The following MGRN1 variants were observed in gnomAD, a reference collection of about 807,000 sequenced individuals.
MGRN1 encodes the protein mahogunin ring finger 1, also known as E3 ubiquitin-protein ligase MGRN1.
In MGRN1, 29 loss-of-function variants were observed where a neutral mutation model predicts 69.2. The observed-to-expected ratio is 0.42, with a 90% CI of 0.31 to 0.57. MGRN1 has a LOEUF of 0.57. MGRN1 is among the 20% of genes least tolerant of loss of function. The pLI is 0.15. For synonymous variants in MGRN1, 470 were observed against 344.2 expected (o/e 1.37, Z -4.04); for missense variants, 998 against 796.2 (o/e 1.25, Z -3.05).
At chr16:4,670,314 C>G (rs1215463527) in intron 8 of MGRN1, among the ~76,000 whole-genome samples, 1 of 152,236 alleles carries the variant, frequency 6.6e-6, no homozygotes, top group African/African-American at 2.4e-5. Flanking sequence ...ATGATCCCAG[C>G]TTACTGTAGC....
chr16:4,661,663 C>T (rs374693692), intron 5 of MGRN1, among the ~76,000 whole-genome samples: 9 of 152,388 alleles, frequency 5.9e-5, no homozygotes, highest in East Asian at 1.9e-4. Flanking sequence ...ACAGAGACCA[C>T]GGCACTTCTC....
At chr16:4,648,813 T>G (rs1022184894) in intron 1 of MGRN1, among the ~76,000 whole-genome samples, 2 of 120,992 alleles carry the variant, frequency 1.7e-5, no homozygotes, top group African/African-American at 7.3e-5. Flanking sequence ...CCGGGGCTCT[T>G]CCCGTGGTCA....
chr16:4,650,863 TG>T, intron 2 of MGRN1: 1 of 157,922 alleles, frequency 6.3e-6, no homozygotes. Context: ...TCCCAGCACT[TG>T]GGGAGGCTGA....
chr16:4,677,321 A>C, intron 10 of MGRN1, 142 bp from the exon 11 acceptor site: 1 of 480,016 alleles, frequency 2.1e-6, no homozygotes, highest in South Asian at 4.5e-5. Context: ...TAAAAGAAAA[A>C]AAAAAGACCG....
At chr16:4,684,967 G>C (rs1341587344) in intron 16 of MGRN1, among the ~76,000 whole-genome samples, 1 of 152,236 alleles carries the variant, frequency 6.6e-6, no homozygotes, top group South Asian at 2.1e-4. Context: ...TGCTTTAGTT[G>C]GAAAGGGGCT....
At chr16:4,648,055 C>T (rs946972283) in intron 1 of MGRN1, among the ~76,000 whole-genome samples, 1 of 152,070 alleles carries the variant, frequency 6.6e-6, no homozygotes, top group Non-Finnish European at 1.5e-5. Context: ...CGCTGAAGGC[C>T]CCGGGAAGGG....
In MGRN1 at chr16:4,651,989, C is replaced by T. The variant is rs369377836; in HGVS notation, c.234C>T (p.His78=). ...TTCCCTACGTCACTCCTGCCCCCCA[C>T]GAGCCCGTGAAGACGCTGCGGAGCC... ...VQFPYVTPAP[H]EPVKTLRSLV... The change falls in exon 3 of 17, where the codon CAC becomes CAT. Residue 78 remains histidine (H), a synonymous_variant. Coordinates refer to ENST00000262370, the MANE Select transcript of MGRN1 (RefSeq NM_015246.4). 1.8e-5 allele frequency: 29 copies of T among 1,614,042 alleles called. No homozygotes were observed. Among genetic ancestry groups the T allele is most frequent in the Non-Finnish European group, 2.2e-5 (26 of 1,179,962 alleles).
At chr16:4,644,451 C>G (rs776645726) in intron 1 of MGRN1, among the ~76,000 whole-genome samples, 1 of 151,828 alleles carries the variant, frequency 6.6e-6, no homozygotes, top group Non-Finnish European at 1.5e-5. Context: ...GCTGGGATTA[C>G]AGGCACACAC....
chr16:4,632,309 C>A (rs970887285), intron 1 of MGRN1, among the ~76,000 whole-genome samples: 3 of 151,682 alleles, frequency 2.0e-5, no homozygotes, highest in Non-Finnish European at 4.4e-5. Context: ...CCACTGCGCC[C>A]GGCTATTCTT....
chr16:4,643,860 T>C (rs1429304182), intron 1 of MGRN1, among the ~76,000 whole-genome samples: 1 of 152,232 alleles, frequency 6.6e-6, no homozygotes, highest in South Asian at 2.1e-4. Flanking sequence ...GAAAAAACAT[T>C]GGAAATATGT....
At chr16:4,644,311 T>TTG (rs2078229455) in intron 1 of MGRN1, among the ~76,000 whole-genome samples, 1 of 147,492 alleles carries the variant, frequency 6.8e-6, no homozygotes, top group African/African-American at 2.5e-5. Flanking sequence ...ACCAGTTTTT[T>TTG]TTTTTTTTTT....
At chr16:4,646,097 G>C (rs2078268360) in intron 1 of MGRN1, among the ~76,000 whole-genome samples, 1 of 151,162 alleles carries the variant, frequency 6.6e-6, no homozygotes, top group Admixed American at 6.5e-5. Context: ...GGGATTGGGA[G>C]CGGCTCCGTC....
At chr16:4,652,139 C>T in intron 3 of MGRN1, 88 bp downstream of exon 3, 2 of 1,354,456 alleles carry the variant, frequency 1.5e-6, no homozygotes, top group African/African-American at 1.4e-5. Context: ...AGGAAAAGGG[C>T]AGGCGGGAGG....
chr16:4,685,387 C>G (rs1248560980), intron 16 of MGRN1, among the ~76,000 whole-genome samples: 2 of 152,234 alleles, frequency 1.3e-5, no homozygotes, highest in Non-Finnish European at 2.9e-5. Context: ...GGCCAGGACT[C>G]CGAGTCTCAT....
intron 5 of MGRN1, chr16:4,659,182 ATAAAATAAAAG>A (rs2078620366): frequency 6.6e-6 from 1 of 152,052 alleles, no homozygotes; most frequent in Non-Finnish European, 1.5e-5. Flanking sequence ...AAAAATAAAA[ATAAAATAAAAG>A]TAAAATAAAC....
chr16:4,646,921 G>A (rs1199378058), intron 1 of MGRN1, among the ~76,000 whole-genome samples: 1 of 148,856 alleles, frequency 6.7e-6, no homozygotes, highest in Non-Finnish European at 1.5e-5. Context: ...CGGCCTGGAA[G>A]GCCTGGCAGG....
intron 4 of MGRN1, among the ~76,000 whole-genome samples, chr16:4,655,714 A>AAGGACCTGGAGGCTCC (rs769438543): frequency 3.3e-4 from 50 of 152,138 alleles, no homozygotes; most frequent in African/African-American, 6.3e-4. Flanking sequence ...GATCACAGAA[A>AAGGACCTGGAGGCTCC]AGGACCTGGA....
intron 10 of MGRN1, among the ~76,000 whole-genome samples, chr16:4,676,077 C>A (rs768553955): frequency 1.3e-5 from 2 of 152,338 alleles, no homozygotes; most frequent in East Asian, 1.9e-4. Flanking sequence ...CCAAGCCGGG[C>A]GTGGGGCTGT....
chr16:4,644,954 C>G (rs1289711114), intron 1 of MGRN1, among the ~76,000 whole-genome samples: 3 of 152,022 alleles, frequency 2.0e-5, no homozygotes, highest in African/African-American at 7.2e-5. Flanking sequence ...TGTCTCTAAT[C>G]TTTTAAAAAT....
Sources: allele counts gnomAD v4.1 joint callset (sites outside exome capture counted in the v4.1 genomes callset), GRCh38; gene constraint gnomAD v4.1.1; transcripts MANE v1.5; gene names NCBI Gene and HGNC (gene_info 2026-07-23, HGNC 2026-07-21).